HDGFL3: variants seen among roughly 807,000 people sequenced by gnomAD.
HDGFL3 encodes HDGF like 3.
In HDGFL3, 6 loss-of-function variants were observed where a neutral mutation model predicts 27.6. The observed-to-expected ratio is 0.22, with a 90% CI of 0.12 to 0.43. The LOEUF is 0.43. Ranked by LOEUF, HDGFL3 falls within the 20% of genes least tolerant of loss-of-function variation. The probability of loss-of-function intolerance (pLI) is 1.00; values close to 1 mark genes in which losing one functional copy is unlikely to be tolerated. For synonymous variants in HDGFL3, 88 were observed against 88.9 expected, an observed-to-expected ratio of 0.99 and a Z score of 0.05; for missense variants, 207 against 250.1, an observed-to-expected ratio of 0.83 and a Z score of 1.16.
chr15:83,148,483 G>A (rs1459569642), intron 5 of HDGFL3, among the ~76,000 whole-genome samples: 1 of 152,092 alleles, frequency 6.6e-6, no homozygotes, highest in African/African-American at 2.4e-5. Context: ...TTAGCCAGGT[G>A]TGGTGGTGGG....
chr15:83,146,809 T>A (rs1045937309), intron 5 of HDGFL3, among the ~76,000 whole-genome samples: 3 of 152,222 alleles, frequency 2.0e-5, no homozygotes, highest in Non-Finnish European at 4.4e-5. Context: ...CCAAGTTCAT[T>A]CATTCTCTTA....
rs2036607458 is a variant in HDGFL3, at chr15:83,136,392, C to T, written c.*2878G>A. 20 of 1,163,224 alleles carry T rather than the reference C, an allele frequency of 1.7e-5. No homozygotes were observed. The South Asian group carries it at 2.8e-4, about 16-fold the overall frequency. 72.1% of individuals were successfully genotyped at this position (1,163,224 alleles called of 1,614,324 possible). On this transcript the variant is annotated 3_prime_UTR_variant, in exon 6 of 6. Coordinates refer to ENST00000299633, the MANE Select transcript of HDGFL3 (RefSeq NM_016073.4). ...GAGACTGGTTTTGAGGGCACAGAAA[C>T]GTAGCCTGAATGAACCATTCAGAAC... is the stretch of plus-strand genomic sequence containing the variant.
At chr15:83,197,839 G>A (rs992589062) in intron 1 of HDGFL3, among the ~76,000 whole-genome samples, 2 of 151,984 alleles carry the variant, frequency 1.3e-5, no homozygotes, top group African/African-American at 4.8e-5. Context: ...TTCGAGACCA[G>A]CCTGCCCAAC....
In HDGFL3 at chr15:83,137,108, C is replaced by T. The variant is rs2036659602; in HGVS notation, c.*2162G>A. 1 of 152,296 alleles carries T rather than the reference C, an allele frequency of 6.6e-6. No individual in the cohort carries two copies. The highest frequency in any genetic ancestry group is 1.5e-5 in the Non-Finnish European group (1 of 68,142). The allele number at this position is 152,296 out of a possible 1,614,324, so 9.4% of individuals were successfully genotyped here. On this transcript the variant is annotated 3_prime_UTR_variant, in exon 6 of 6. Coordinates refer to ENST00000299633, the MANE Select transcript of HDGFL3 (RefSeq NM_016073.4). ...AAGATGAATATGCTTCATTATTAAA[C>T]TCAATATAAAAGGCAAATCATCAGA...
At chr15:83,173,099 C>T (rs530203956) in intron 1 of HDGFL3, among the ~76,000 whole-genome samples, 1 of 152,178 alleles carries the variant, frequency 6.6e-6, no homozygotes, top group Non-Finnish European at 1.5e-5. Context: ...CAAACCTTAT[C>T]ATTCTTGACA....
Position 83,128,285 on chromosome 15 carries a change from T to G in HDGFL3, c.*10985A>C, listed in dbSNP as rs997993084. The G allele has an allele frequency of 9.9e-5, 15 of 152,218 alleles. No individual in the cohort carries two copies. Among genetic ancestry groups the G allele is most frequent in the African/African-American group, 3.6e-4 (15 of 41,450 alleles). The allele number at this position is 152,218 out of a possible 1,614,324, so 9.4% of individuals were successfully genotyped here. A position where few individuals can be genotyped will look rare whatever the true frequency, so the allele number is the denominator to read the frequency against. On this transcript the variant is annotated 3_prime_UTR_variant, in exon 6 of 6. Coordinates refer to ENST00000299633, the MANE Select transcript of HDGFL3 (RefSeq NM_016073.4). Reference sequence around the variant, plus strand: ...TAAGACATACTAGAATTCACACGGTTGAAAAATATAGTATTTAAGGGGTCA... The same window carrying G: ...TAAGACATACTAGAATTCACACGGTGGAAAAATATAGTATTTAAGGGGTCA...
chr15:83,126,540 C>T (rs112772880), downstream of HDGFL3, among the ~76,000 whole-genome samples: 3 of 152,274 alleles, frequency 2.0e-5, no homozygotes, highest in African/African-American at 7.2e-5. Flanking sequence ...AAGAATAGGG[C>T]ATTAGTTTCC....
chr15:83,164,130 G>T, intron 1 of HDGFL3, 55 bp from the exon 2 acceptor site: 1 of 1,020,446 alleles, frequency 9.8e-7, no homozygotes, highest in Non-Finnish European at 1.4e-6. Context: ...TACAATGTGA[G>T]CATTGTTCTG....
Position 83,130,065 on chromosome 15 carries a change from C to G in HDGFL3, c.*9205G>C, listed in dbSNP as rs757971466. ...CTCCTCTGCCTGCCATGTGCCTGGT[C>G]GGCCTGGTACCAGTCCCTGATGCAG... On this transcript the variant is annotated 3_prime_UTR_variant, in exon 6 of 6. Coordinates refer to ENST00000299633, the MANE Select transcript of HDGFL3 (RefSeq NM_016073.4). 1 of 152,228 alleles carries G rather than the reference C, an allele frequency of 6.6e-6. No homozygotes were observed. Among genetic ancestry groups the G allele is most frequent in the South Asian group, 2.1e-4 (1 of 4,828 alleles). The allele number at this position is 152,228 out of a possible 1,614,324, so 9.4% of individuals were successfully genotyped here. A position where few individuals can be genotyped will look rare whatever the true frequency, so the allele number is the denominator to read the frequency against.
Position 83,174,088 on chromosome 15 carries a change from A to G in HDGFL3, c.85-10013T>C, listed in dbSNP as rs192268455. On this transcript the variant is annotated intron_variant, in intron 1 of 5. Transcript: ENST00000299633. ...TGATTTAAATTGTGATACTGAAGGT[A>G]TCAATCTCTTGGGGCCCTGAGTTTC... 2.9e-3 allele frequency among the ~76,000 whole-genome samples: 435 copies of G among 152,332 alleles called. 11 individuals are homozygous for G. Among genetic ancestry groups the G allele is most frequent in the Admixed American group, 0.022 (344 of 15,308 alleles).
Position 83,136,319 on chromosome 15 carries a change from T to G in HDGFL3, c.*2951A>C, listed in dbSNP as rs985315120. 12 of 476,192 alleles carry G rather than the reference T, an allele frequency of 2.5e-5. No homozygotes were observed. The highest frequency in any genetic ancestry group is 2.2e-4 in the African/African-American group (11 of 50,568). The allele number at this position is 476,192 out of a possible 1,614,324, so 29.5% of individuals were successfully genotyped here. ...TCAAGGACTAAATTTAATGAAAGACTCTGACATTAAAGACTCTGGATTGTT... is the reference window on the plus strand; with the variant it reads ...TCAAGGACTAAATTTAATGAAAGACGCTGACATTAAAGACTCTGGATTGTT... On this transcript the variant is annotated 3_prime_UTR_variant, in exon 6 of 6. Transcript: ENST00000299633.
chr15:83,191,852 A>G (rs551843266), intron 1 of HDGFL3, among the ~76,000 whole-genome samples: 2 of 152,240 alleles, frequency 1.3e-5, no homozygotes, highest in African/African-American at 4.8e-5. Context: ...AAATGTCTCA[A>G]AAACTTAACC....
intron 1 of HDGFL3, among the ~76,000 whole-genome samples, chr15:83,177,039 G>A (rs1290392985): frequency 2.0e-5 from 3 of 149,606 alleles, no homozygotes; most frequent in African/African-American, 5.0e-5. Flanking sequence ...TGCCTCAGCC[G>A]CCTGTGTAGC....
chr15:83,205,376 T>C (rs543112918), intron 1 of HDGFL3, among the ~76,000 whole-genome samples: 64 of 152,350 alleles, frequency 4.2e-4, no homozygotes, highest in Non-Finnish European at 7.5e-4. Context: ...TGTGAATAGA[T>C]ACAGATTTTT....
At chr15:83,185,079 A>C (rs2037425755) in intron 1 of HDGFL3, 1 of 152,188 alleles carries the variant, frequency 6.6e-6, no homozygotes. Flanking sequence ...GCTGGAGTGC[A>C]GTGGCACAAT....
chr15:83,178,448 A>T (rs1410833279), intron 1 of HDGFL3, among the ~76,000 whole-genome samples: 1 of 152,196 alleles, frequency 6.6e-6, no homozygotes, highest in East Asian at 1.9e-4. Flanking sequence ...GTTTTTAAAT[A>T]AACAAAAGTT....
At chr15:83,151,452 C>CAACCACTAAAACTAGA in intron 4 of HDGFL3, 91 bp from the exon 5 acceptor site, 4 of 1,115,060 alleles carry the variant, frequency 3.6e-6, no homozygotes, top group Non-Finnish European at 5.1e-6. Flanking sequence ...TTGCATCTAT[C>CAACCACTAAAACTAGA]TAGTTTTAGT....
At chr15:83,153,772 CTA>C (rs1272580965) in intron 4 of HDGFL3, among the ~76,000 whole-genome samples, 1 of 152,088 alleles carries the variant, frequency 6.6e-6, no homozygotes, top group East Asian at 1.9e-4. Flanking sequence ...CCAGTATCTG[CTA>C]TGACTCAAAT....
chr15:83,124,890 A>C, downstream of HDGFL3: 1 of 903,986 alleles, frequency 1.1e-6, no homozygotes, highest in Non-Finnish European at 1.7e-6. Flanking sequence ...GCAAACTAAC[A>C]AACCATTCCT....
Sources: gnomAD v4.1 joint callset for allele counts (sites outside exome capture counted in the v4.1 genomes callset) on GRCh38, gnomAD v4.1.1 for gene constraint, MANE v1.5 for transcripts, NCBI Gene and HGNC (gene_info 2026-07-23, HGNC 2026-07-21) for gene names.